The following PARD3B variants were observed in gnomAD, a reference collection of about 807,000 sequenced individuals.
The protein encoded by PARD3B is par-3 family cell polarity regulator beta.
In PARD3B, 103 loss-of-function variants were observed where a neutral mutation model predicts 130.2. The observed-to-expected ratio is 0.79, with a 90% confidence interval of 0.67 to 0.93. The LOEUF (loss-of-function observed/expected upper bound fraction) is 0.93. PARD3B is among the 40% of genes least tolerant of loss of function. PARD3B has a pLI of 0.00. For missense variants in PARD3B, 1,609 were observed against 1,499.2 expected (o/e 1.07, Z -1.21); for synonymous variants, 583 against 553.2 (o/e 1.05, Z -0.76).
intron 10 of PARD3B, among the ~76,000 whole-genome samples, chr2:205,149,045 A>G (rs1436187165): frequency 6.6e-6 from 1 of 152,170 alleles, no homozygotes; most frequent in Non-Finnish European, 1.5e-5. Context: ...GCATGCGTGA[A>G]TCAGGCACTG....
intron 2 of PARD3B, among the ~76,000 whole-genome samples, chr2:204,774,242 A>T (rs1232398948): frequency 6.6e-6 from 1 of 151,792 alleles, no homozygotes; most frequent in African/African-American, 2.4e-5. Flanking sequence ...AATACTTCCT[A>T]ACATTATGTA....
At chr2:205,222,464 T>C (rs1466062528) in intron 15 of PARD3B, among the ~76,000 whole-genome samples, 1 of 152,198 alleles carries the variant, frequency 6.6e-6, no homozygotes, top group Non-Finnish European at 1.5e-5. Context: ...TTTGTAAGGA[T>C]TAAATGAGAT....
chr2:205,013,455 C>T (rs897669443), intron 3 of PARD3B, among the ~76,000 whole-genome samples: 1 of 152,030 alleles, frequency 6.6e-6, no homozygotes. Context: ...TCTCTTGTAT[C>T]CAGTGGTGTA....
chr2:204,677,679 C>T lies in PARD3B; in HGVS notation c.121-8502C>T, dbSNP rs1042453234. On this transcript the variant is annotated intron_variant, in intron 1 of 22. Coordinates refer to ENST00000406610, the MANE Select transcript of PARD3B (RefSeq NM_001302769.2). The surrounding 1 kb of genome is among the most constrained non-coding windows in gnomAD (Gnocchi z 4.1). ...CACACAGTCCTTGTATTATCATAGCCTAAGATGGTAATAATAATATTTTTA... is the reference window on the plus strand; with the variant it reads ...CACACAGTCCTTGTATTATCATAGCTTAAGATGGTAATAATAATATTTTTA... Among the ~76,000 whole-genome samples, 1 of 152,154 alleles carries T rather than the reference C, an allele frequency of 6.6e-6. No homozygotes were observed. Among genetic ancestry groups the T allele is most frequent in the African/African-American group, 2.4e-5 (1 of 41,432 alleles).
chr2:204,808,183 C>A (rs1490650291), intron 2 of PARD3B, among the ~76,000 whole-genome samples: 1 of 151,868 alleles, frequency 6.6e-6, no homozygotes, highest in African/African-American at 2.4e-5. Flanking sequence ...CATAAAAATT[C>A]TTGTGTTGCA....
chr2:205,396,054 T>A (rs980020199), intron 18 of PARD3B, among the ~76,000 whole-genome samples: 1 of 152,194 alleles, frequency 6.6e-6, no homozygotes, highest in East Asian at 1.9e-4. Context: ...TTTTACTGTT[T>A]TGAATACATC....
At chr2:204,760,488 A>G (rs569566206) in intron 2 of PARD3B, among the ~76,000 whole-genome samples, 55 of 152,076 alleles carry the variant, frequency 3.6e-4, no homozygotes, top group Non-Finnish European at 6.9e-4. Context: ...TGATTAAAAA[A>G]TCATGACTTT....
intron 19 of PARD3B, among the ~76,000 whole-genome samples, chr2:205,432,745 A>G (rs958536581): frequency 1.1e-4 from 17 of 152,174 alleles, no homozygotes; most frequent in Admixed American, 2.6e-4. Flanking sequence ...TTCAGTATCC[A>G]TGTGTAGCTA....
At chr2:205,136,133 T>A (rs2032462870) in intron 10 of PARD3B, among the ~76,000 whole-genome samples, 1 of 152,166 alleles carries the variant, frequency 6.6e-6, no homozygotes, top group Non-Finnish European at 1.5e-5. Context: ...TTGCATTTCT[T>A]AGAGGTTTAG....
chr2:205,022,117 G>A (rs954394320), intron 3 of PARD3B, among the ~76,000 whole-genome samples: 1 of 152,062 alleles, frequency 6.6e-6, no homozygotes, highest in Non-Finnish European at 1.5e-5. Flanking sequence ...TAATGATTCA[G>A]TTAGTTATAT....
intron 3 of PARD3B, among the ~76,000 whole-genome samples, chr2:204,998,358 A>ATGTGTGTGTG (rs59323700): frequency 2.0e-4 from 14 of 69,822 alleles, no homozygotes; most frequent in African/African-American, 9.5e-4. Context: ...ATATATATAT[A>ATGTGTGTGTG]TGTGTGTGTG....
chr2:204,672,314 C>T (rs967429047), intron 1 of PARD3B, among the ~76,000 whole-genome samples: 2 of 152,142 alleles, frequency 1.3e-5, no homozygotes, highest in African/African-American at 4.8e-5. Flanking sequence ...GTATTGTCTG[C>T]ACAGGCTTTT....
In PARD3B at chr2:205,421,190, G is replaced by T. The variant is rs938907566; in HGVS notation, c.2742-19180G>T. Among the ~76,000 whole-genome samples, 1 of 152,136 alleles carries T rather than the reference G, an allele frequency of 6.6e-6. No homozygotes were observed. The highest frequency in any genetic ancestry group is 2.4e-5 in the African/African-American group (1 of 41,448). On this transcript the variant is annotated intron_variant, in intron 19 of 22. Coordinates refer to ENST00000406610, the MANE Select transcript of PARD3B (RefSeq NM_001302769.2). The surrounding 1 kb of genome is among the most constrained non-coding windows in gnomAD (Gnocchi z 5.1). Reference sequence around the variant, plus strand: ...AGAAAATATGTGCTGTATATTGGGAGATGATAAGACGATATCTTTGTTTAG... The same window carrying T: ...AGAAAATATGTGCTGTATATTGGGATATGATAAGACGATATCTTTGTTTAG...
In PARD3B at chr2:205,128,264, G is replaced by A. The variant is rs960348133; in HGVS notation, c.1434+2527G>A. ...TCCAACTAGGAACTTAAACCCTCGA[G>A]CCTGCAGTTTCTGTCTAGTAGTTCC... On this transcript the variant is annotated intron_variant, in intron 10 of 22. Coordinates refer to ENST00000406610, the MANE Select transcript of PARD3B (RefSeq NM_001302769.2). The surrounding 1 kb of genome is among the most constrained non-coding windows in gnomAD (Gnocchi z 4.5). 6.6e-6 allele frequency among the ~76,000 whole-genome samples: 1 copy of A among 152,322 alleles called. No homozygotes were observed. Among genetic ancestry groups the A allele is most frequent in the Non-Finnish European group, 1.5e-5 (1 of 68,042 alleles).
rs182167194 is a variant in PARD3B at position 205,408,112 on chromosome 2, A to C, written c.2741+6989A>C. On this transcript the variant is annotated intron_variant, in intron 19 of 22. Transcript: ENST00000406610. ...GAAAGTTAATCGGTTTCAGTGTCTG[A>C]ATTCAAGGTTCTTAGTTTTCTTTCC... is the stretch of plus-strand genomic sequence containing the variant. 2.6e-4 allele frequency among the ~76,000 whole-genome samples: 39 copies of C among 152,342 alleles called. 1 individual carries two copies. In the East Asian group the frequency reaches 4.6e-3, roughly 18 times the overall value.
intron 18 of PARD3B, among the ~76,000 whole-genome samples, chr2:205,380,896 A>ATATAT (rs367623026): frequency 0.018 from 250 of 14,038 alleles, 9 homozygotes; most frequent in Non-Finnish European, 0.032. Flanking sequence ...TATATAAAGA[A>ATATAT]TATATATAAT....
intron 16 of PARD3B, among the ~76,000 whole-genome samples, chr2:205,256,806 G>T (rs993311687): frequency 6.6e-6 from 1 of 151,956 alleles, no homozygotes; most frequent in Non-Finnish European, 1.5e-5. Context: ...GCTGAATCCC[G>T]GAGTCATACT....
chr2:204,984,337 TG>T (rs1692943029), intron 3 of PARD3B, among the ~76,000 whole-genome samples: 1 of 152,114 alleles, frequency 6.6e-6, no homozygotes, highest in Non-Finnish European at 1.5e-5. Flanking sequence ...GTAGTTTGGA[TG>T]TGGAAATGCT....
At position 205,137,352 on chromosome 2, in the gene PARD3B, G is replaced by A. The variant is rs565536488; in HGVS notation, c.1434+11615G>A. On this transcript the variant is annotated intron_variant, in intron 10 of 22. Coordinates refer to ENST00000406610, the MANE Select transcript of PARD3B (RefSeq NM_001302769.2). ...ATGAATAACGAACATCTTTCCGAAG[G>A]CAGGAAAGAAAACTGCAGAAAAGGA... Among the ~76,000 whole-genome samples, 12 of 152,192 alleles carry A rather than the reference G, an allele frequency of 7.9e-5. No homozygotes were observed. The South Asian group carries it at 1.9e-3, about 24-fold the overall frequency.
Sources: allele counts gnomAD v4.1 joint callset (sites outside exome capture counted in the v4.1 genomes callset), GRCh38; gene constraint gnomAD v4.1.1; non-coding constraint Gnocchi (gnomAD v3.1); transcripts MANE v1.5; gene names NCBI Gene and HGNC (gene_info 2026-07-23, HGNC 2026-07-21).